Variants in LMBRD1 observed in about 807,000 individuals in gnomAD.
The protein encoded by LMBRD1 is LMBR1 domain containing 1, also known as lysosomal cobalamin transport escort protein LMBD1.
A neutral mutation model predicts 74.8 loss-of-function variants in LMBRD1; 64 were observed. The ratio of observed to expected loss-of-function variants is 0.86; its 90% CI spans 0.70 to 1.05. The LOEUF (loss-of-function observed/expected upper bound fraction) is 1.05. Ranked by LOEUF, LMBRD1 falls within the 50% of genes least tolerant of loss-of-function variation. LMBRD1 has a pLI of 0.00. For synonymous variants in LMBRD1, 204 were observed against 216.3 expected (o/e 0.94, Z 0.50); for missense variants, 652 against 645.9 (o/e 1.01, Z -0.10).
intron 14 of LMBRD1, among the ~76,000 whole-genome samples, chr6:69,686,415 T>C (rs561351559): frequency 1.3e-5 from 2 of 152,084 alleles, no homozygotes; most frequent in East Asian, 1.9e-4. Flanking sequence ...GGTTACACTA[T>C]TAGTTCTCTA....
chr6:69,796,700 A>C, intron 1 of LMBRD1, 113 bp downstream of exon 1: 1 of 1,003,816 alleles, frequency 1.0e-6, no homozygotes, highest in Non-Finnish European at 1.5e-6. Flanking sequence ...TCCAAGCTAA[A>C]AGCGGGGCGG....
chr6:69,729,198 G>A (rs917812879), intron 7 of LMBRD1, among the ~76,000 whole-genome samples: 2 of 144,432 alleles, frequency 1.4e-5, no homozygotes, highest in Non-Finnish European at 3.0e-5. Flanking sequence ...ATTCCATGTA[G>A]TGCCCTCATC....
intron 1 of LMBRD1, among the ~76,000 whole-genome samples, chr6:69,792,296 TC>T (rs1263527997): frequency 6.6e-6 from 1 of 152,184 alleles, no homozygotes; most frequent in Non-Finnish European, 1.5e-5. Flanking sequence ...GGGGTTGAGA[TC>T]CCACCAGTGT....
At chr6:69,753,845 G>T (rs1400220451) in intron 3 of LMBRD1, among the ~76,000 whole-genome samples, 3 of 152,028 alleles carry the variant, frequency 2.0e-5, no homozygotes, top group Non-Finnish European at 4.4e-5. Context: ...GGAGGCTGAG[G>T]CAGGAGAATG....
chr6:69,744,618 A>C (rs1767178014), intron 5 of LMBRD1, among the ~76,000 whole-genome samples: 1 of 152,224 alleles, frequency 6.6e-6, no homozygotes, highest in South Asian at 2.1e-4. Flanking sequence ...AGCATAACTG[A>C]AAATAAGATG....
At chr6:69,729,266 C>T (rs1024886639) in intron 7 of LMBRD1, among the ~76,000 whole-genome samples, 3 of 148,992 alleles carry the variant, frequency 2.0e-5, no homozygotes, top group African/African-American at 7.5e-5. Flanking sequence ...CTTCAGGTCT[C>T]GGTTTAATTA....
intron 7 of LMBRD1, among the ~76,000 whole-genome samples, chr6:69,734,270 A>G (rs1219524795): frequency 3.3e-5 from 5 of 152,142 alleles, no homozygotes; most frequent in African/African-American, 1.2e-4. Context: ...CAATCCCATT[A>G]TAAGGTCCTC....
At chr6:69,682,006 A>T (rs1461970281) in intron 14 of LMBRD1, among the ~76,000 whole-genome samples, 4 of 151,874 alleles carry the variant, frequency 2.6e-5, no homozygotes, top group Non-Finnish European at 4.4e-5. Context: ...GAGCTCAGGG[A>T]TGGGAAGAAA....
In LMBRD1 at chr6:69,775,008, AGGGAGGGAGGGAGGGAGG is replaced by A. The variant is rs1562121814; in HGVS notation, c.307+5468_307+5485del. Among the ~76,000 whole-genome samples, 95 of 44,776 alleles carry A rather than the reference AGGGAGGGAGGGAGGGAGG, an allele frequency of 2.1e-3. 9 individuals carry two copies. The highest frequency in any genetic ancestry group is 1.0e-2 in the East Asian group (14 of 1,406). The allele number at this position is 44,776 out of a possible 152,430, so 29.4% of individuals were successfully genotyped here. On this transcript the variant is annotated intron_variant, in intron 3 of 15. Coordinates refer to ENST00000649934, the MANE Select transcript of LMBRD1 (RefSeq NM_018368.4). Reference sequence around the variant, plus strand: ...AAGGAAGGGAGGGAGGGAGGGAGGGAGGGAGGGAGGGAGGGAGGGAGGGAGGGAAGGAAGGAAAAGATG... The same window carrying A: ...AAGGAAGGGAGGGAGGGAGGGAGGGAGAGGGAGGGAAGGAAGGAAAAGATG...
chr6:69,728,963 A>C (rs1333188193), intron 7 of LMBRD1, among the ~76,000 whole-genome samples: 1 of 151,806 alleles, frequency 6.6e-6, no homozygotes, highest in Non-Finnish European at 1.5e-5. Context: ...ATATGAACAT[A>C]TAAAATTGTT....
chr6:69,759,815 TC>T (rs1369713503), intron 3 of LMBRD1, among the ~76,000 whole-genome samples: 1 of 152,166 alleles, frequency 6.6e-6, no homozygotes, highest in East Asian at 1.9e-4. Context: ...ACTCAAATTA[TC>T]TTTAAAAAAT....
intron 14 of LMBRD1, among the ~76,000 whole-genome samples, chr6:69,689,553 G>C (rs1053720398): frequency 6.6e-6 from 1 of 152,100 alleles, no homozygotes; most frequent in African/African-American, 2.4e-5. Context: ...AAGTCCTGAA[G>C]CAAGTCTTTT....
intron 1 of LMBRD1, among the ~76,000 whole-genome samples, chr6:69,794,586 C>G (rs989358094): frequency 6.6e-6 from 1 of 152,166 alleles, no homozygotes; most frequent in African/African-American, 2.4e-5. Flanking sequence ...GAATCTATCA[C>G]TTAAAGAAAA....
In LMBRD1 at chr6:69,790,839, T is replaced by C. The variant is rs182229474; in HGVS notation, c.70-367A>G. ...AAAGAGATATGAGTAGAAGCTGTTC[T>C]ATTCTAGGCTTATTACTGAAGCATT... On this transcript the variant is annotated intron_variant, in intron 1 of 15. Transcript: ENST00000649934. Among the ~76,000 whole-genome samples, 68 of 152,350 alleles carry C rather than the reference T, an allele frequency of 4.5e-4. 1 individual carries two copies. Among genetic ancestry groups the C allele is most frequent in the African/African-American group, 1.5e-3 (64 of 41,574 alleles).
intron 14 of LMBRD1, among the ~76,000 whole-genome samples, chr6:69,687,615 G>A (rs1443096756): frequency 3.3e-5 from 5 of 152,100 alleles, no homozygotes; most frequent in South Asian, 2.1e-4. Context: ...GTGCTTCTCC[G>A]TATTACTAAA....
At chr6:69,775,780 A>C (rs9346350) in intron 3 of LMBRD1, among the ~76,000 whole-genome samples, 51,325 of 152,098 alleles carry the variant, frequency 0.34, 9,730 homozygotes, top group East Asian at 0.54. Context: ...GTTGTGAGCT[A>C]CAGTAGCCAC....
intron 8 of LMBRD1, among the ~76,000 whole-genome samples, chr6:69,717,271 A>G (rs1766512168): frequency 6.6e-6 from 1 of 152,124 alleles, no homozygotes; most frequent in Admixed American, 6.6e-5. Context: ...CCAACAAAAA[A>G]GTTATTTTCC....
At position 69,705,642 on chromosome 6, in the gene LMBRD1, T is replaced by C. The variant is rs1026826747; in HGVS notation, c.916-3689A>G. On this transcript the variant is annotated intron_variant, in intron 9 of 15. Transcript: ENST00000649934. ...TTCCTTATTATCAAAATCATCATTA[T>C]CACCATCTTCATCATTATCATCATC... The C allele has an allele frequency of 3.2e-5, 28 of 885,586 alleles. No homozygotes were observed. In the African/African-American group the frequency reaches 4.5e-4, roughly 14 times the overall value. 54.9% of individuals were successfully genotyped at this position (885,586 alleles called of 1,614,324 possible). A position where few individuals can be genotyped will look rare whatever the true frequency, so the allele number is the denominator to read the frequency against.
intron 7 of LMBRD1, among the ~76,000 whole-genome samples, chr6:69,735,354 C>G (rs138459554): frequency 6.6e-6 from 1 of 151,932 alleles, no homozygotes; most frequent in Admixed American, 6.5e-5. Flanking sequence ...AGAAAACCCA[C>G]GCAGACATGG....
Sources: gnomAD v4.1 joint callset for allele counts (sites outside exome capture counted in the v4.1 genomes callset) on GRCh38, gnomAD v4.1.1 for gene constraint, MANE v1.5 for transcripts, NCBI Gene and HGNC (gene_info 2026-07-23, HGNC 2026-07-21) for gene names.